LMNB1: variants seen among roughly 807,000 people sequenced by gnomAD.
LMNB1 encodes the protein lamin B1, also known as lamin-B1.
A neutral mutation model predicts 67.1 loss-of-function variants in LMNB1; 23 were observed. The ratio of observed to expected loss-of-function variants is 0.34; its 90% CI spans 0.25 to 0.49. The LOEUF (loss-of-function observed/expected upper bound fraction) is 0.49. Ranked by LOEUF, LMNB1 falls within the 20% of genes least tolerant of loss-of-function variation. The pLI, the probability that LMNB1 is intolerant of heterozygous loss-of-function variation, is 0.99. For synonymous variants in LMNB1, 281 were observed against 282.9 expected (o/e 0.99, Z 0.07); for missense variants, 634 against 746.5 (o/e 0.85, Z 1.76).
At chr5:126,824,801 C>T (rs1469068588) in intron 8 of LMNB1, among the ~76,000 whole-genome samples, 2 of 152,292 alleles carry the variant, frequency 1.3e-5, no homozygotes, top group African/African-American at 4.8e-5. Flanking sequence ...GGGCTCTCTC[C>T]TAATCAGTAA....
chr5:126,832,303 C>T (rs1356430680), intron 9 of LMNB1, among the ~76,000 whole-genome samples: 3 of 152,162 alleles, frequency 2.0e-5, no homozygotes, highest in Non-Finnish European at 2.9e-5. Context: ...TAATAATAAA[C>T]AGAAATGCTG....
chr5:126,826,147 A>T (rs368078338), intron 9 of LMNB1, 40 bp downstream of exon 9: 2 of 1,578,118 alleles, frequency 1.3e-6, no homozygotes, highest in Admixed American at 3.5e-5. Flanking sequence ...TGTTAATTTC[A>T]CTTAAAGTTC....
chr5:126,832,623 G>A (rs951538812), intron 9 of LMNB1, 71 bp from the exon 10 acceptor site: 11 of 1,106,752 alleles, frequency 9.9e-6, no homozygotes, highest in Middle Eastern at 4.1e-4. Flanking sequence ...CTTAAGCAAA[G>A]AAAAGGTCCC....
At chr5:126,805,324 G>A (rs1477491586) in intron 2 of LMNB1, among the ~76,000 whole-genome samples, 1 of 152,246 alleles carries the variant, frequency 6.6e-6, no homozygotes, top group Non-Finnish European at 1.5e-5. Flanking sequence ...ATGTGAGTGA[G>A]TCATACGTCT....
At position 126,787,546 on chromosome 5, in the gene LMNB1, A is replaced by ATATTTTTTTTTTTTTTTTT; in HGVS notation, c.359+9680_359+9681insATTTTTTTTTTTTTTTTTT. On this transcript the variant is annotated intron_variant, in intron 1 of 10. Transcript: ENST00000261366. Reference sequence around the variant, plus strand: ...GGGGTATATATATATATATATATATATTTTTTTTTTTTTTTTTTGAGATAG... The same window carrying ATATTTTTTTTTTTTTTTTT: ...GGGGTATATATATATATATATATATATATTTTTTTTTTTTTTTTTTTTTTTTTTTTTTTTTTTGAGATAG... 3.7e-4 allele frequency among the ~76,000 whole-genome samples: 24 copies of ATATTTTTTTTTTTTTTTTT among 65,556 alleles called. 1 individual carries two copies. Among genetic ancestry groups the ATATTTTTTTTTTTTTTTTT allele is most frequent in the Non-Finnish European group, 5.5e-4 (20 of 36,658 alleles). 43.0% of individuals were successfully genotyped at this position (65,556 alleles called of 152,430 possible).
intron 10 of LMNB1, among the ~76,000 whole-genome samples, chr5:126,835,915 G>A (rs2126744784): frequency 6.6e-6 from 1 of 152,278 alleles, no homozygotes; most frequent in East Asian, 1.9e-4. Context: ...TGGTGGTGAT[G>A]CACACCTGTA....
At chr5:126,834,109 C>T (rs762246521) in intron 10 of LMNB1, among the ~76,000 whole-genome samples, 1 of 152,194 alleles carries the variant, frequency 6.6e-6, no homozygotes, top group Non-Finnish European at 1.5e-5. Context: ...TCTTTTAGGT[C>T]TCTTTCTGTG....
At chr5:126,828,863 G>A (rs912785195) in intron 9 of LMNB1, among the ~76,000 whole-genome samples, 1 of 152,036 alleles carries the variant, frequency 6.6e-6, no homozygotes, top group Non-Finnish European at 1.5e-5. Context: ...CCCGGCCAAG[G>A]TTGGTCCATT....
At chr5:126,818,894 A>C (rs1751790455) in intron 5 of LMNB1, 28 bp from the exon 6 acceptor site, 1 of 1,514,544 alleles carries the variant, frequency 6.6e-7, no homozygotes, top group Admixed American at 1.7e-5. Flanking sequence ...TGTTCCTAGA[A>C]AGTAAATATG....
rs946650432 is a variant in LMNB1, at chr5:126,777,703, G to A, written c.195G>A (p.Thr65=). 4 of 1,545,224 alleles carry A rather than the reference G, an allele frequency of 2.6e-6. No individual in the cohort carries two copies. The African/African-American group carries it at 4.2e-5, about 16-fold the overall frequency. Residue 65 remains threonine (T), a synonymous_variant, in exon 1 of 11, where the codon ACG becomes ACA. Transcript: ENST00000261366. ...ACAGCGCGCTGCAGCTGCAGGTGAC[G>A]GAGCGCGAGGAGGTGCGCGGCCGTG... ...TENSALQLQV[T]EREEVRGREL...
At position 126,811,836 on chromosome 5, in the gene LMNB1, C is replaced by G; in HGVS notation, c.877C>G (p.Leu293Val). ...TSTVNSAREELMESRMRIESL... is the reference protein window; with the variant it reads ...TSTVNSAREEVMESRMRIESL... Reference sequence around the variant, plus strand: ...TACTGTCAACAGTGCCAGGGAAGAACTGATGGAAAGCCGCATGAGAATTGA... The same window carrying G: ...TACTGTCAACAGTGCCAGGGAAGAAGTGATGGAAAGCCGCATGAGAATTGA... Residue 293 changes from leucine to valine, a missense_variant, in exon 5 of 11, where the codon CTG becomes GTG. By Grantham distance (32) the Leu-to-Val change is conservative. Transcript: ENST00000261366. 1.2e-6 allele frequency: 2 copies of G among 1,612,940 alleles called. No homozygotes were observed. The highest frequency in any genetic ancestry group is 2.2e-5 in the South Asian group (2 of 91,030).
intron 1 of LMNB1, among the ~76,000 whole-genome samples, chr5:126,788,672 G>T (rs796123217): frequency 6.6e-6 from 1 of 152,118 alleles, no homozygotes; most frequent in Admixed American, 6.6e-5. Context: ...GAAAAGAGAG[G>T]TGAGTCATGG....
chr5:126,799,220 G>T (rs1751200050), intron 1 of LMNB1, among the ~76,000 whole-genome samples: 1 of 152,086 alleles, frequency 6.6e-6, no homozygotes, highest in Non-Finnish European at 1.5e-5. Flanking sequence ...GGGTTTCACC[G>T]TGTTAGCCAG....
intron 3 of LMNB1, among the ~76,000 whole-genome samples, chr5:126,808,251 T>C (rs559647613): frequency 6.6e-6 from 1 of 152,238 alleles, no homozygotes; most frequent in East Asian, 1.9e-4. Context: ...TGGTACGGTC[T>C]TGGCTCACTG....
intron 5 of LMNB1, among the ~76,000 whole-genome samples, chr5:126,815,961 C>T (rs1020089611): frequency 9.2e-5 from 14 of 152,166 alleles, no homozygotes; most frequent in Admixed American, 6.5e-5. Context: ...TTATAAATCT[C>T]GGCTCAGGTT....
At chr5:126,787,237 G>A (rs928126774) in intron 1 of LMNB1, among the ~76,000 whole-genome samples, 1 of 152,088 alleles carries the variant, frequency 6.6e-6, no homozygotes, top group East Asian at 1.9e-4. Context: ...TTGCTGTGGA[G>A]AAACAAGGAC....
chr5:126,804,370 G>A (rs893428126), intron 1 of LMNB1, among the ~76,000 whole-genome samples: 3 of 151,202 alleles, frequency 2.0e-5, no homozygotes, highest in Admixed American at 6.6e-5. Flanking sequence ...AAGCCACTGC[G>A]CTCAGCATGA....
intron 5 of LMNB1, among the ~76,000 whole-genome samples, chr5:126,816,782 GT>G (rs1340055803): frequency 2.0e-5 from 3 of 152,182 alleles, no homozygotes; most frequent in Admixed American, 1.3e-4. Flanking sequence ...TTAGACTGGG[GT>G]TTTGGGTTTT....
chr5:126,796,224 C>T (rs1389814953), intron 1 of LMNB1, among the ~76,000 whole-genome samples: 5 of 152,010 alleles, frequency 3.3e-5, no homozygotes, highest in South Asian at 2.1e-4. Context: ...CTACCGTGCC[C>T]GGCCCTGGAT....
Sources: gnomAD v4.1 joint callset for allele counts (sites outside exome capture counted in the v4.1 genomes callset) on GRCh38, gnomAD v4.1.1 for gene constraint, MANE v1.5 for transcripts, NCBI Gene and HGNC (gene_info 2026-07-23, HGNC 2026-07-21) for gene names.